The following TM9SF3 variants were observed in gnomAD, a reference collection of about 807,000 sequenced individuals.
TM9SF3 encodes transmembrane 9 superfamily member 3, also known as SM-11044-binding protein.
TM9SF3 carries 14 observed loss-of-function variants against 78.6 expected under a neutral mutation model. The observed-to-expected ratio is 0.18, with a 90% CI of 0.12 to 0.28. The LOEUF (loss-of-function observed/expected upper bound fraction) is 0.28, where lower values mean the gene tolerates loss of function less well. Ranked by LOEUF, TM9SF3 falls within the 10% of genes least tolerant of loss-of-function variation. The probability of loss-of-function intolerance (pLI) is 1.00; values close to 1 mark genes in which losing one functional copy is unlikely to be tolerated. For missense variants in TM9SF3, 496 were observed against 721.9 expected, an observed-to-expected ratio of 0.69 and a Z score of 3.59; for synonymous variants, 231 against 241.7, an observed-to-expected ratio of 0.96 and a Z score of 0.41.
Position 96,576,665 on chromosome 10 carries a change from C to G in TM9SF3, c.267G>C (p.Leu89Phe). ...ATTTAATATCCAGACCACTAAATTC[C>G]AATTCAACCCCTTGAAGTGCTTCTC... ...TLGEALQGVE[L>F]EFSGLDIKFK... The change falls in exon 2 of 15, where the codon TTG becomes TTC. Residue 89 changes from leucine to phenylalanine, a missense_variant. By Grantham distance (22) the Leu-to-Phe change is conservative. Around this residue, in one of 4 missense-constraint regions of TM9SF3, gnomAD observed 155 missense variants for 241.6 expected, o/e 0.64. Transcript: ENST00000371142. The G allele has an allele frequency of 6.2e-7, 1 of 1,600,288 alleles. No homozygotes were observed. The highest frequency in any genetic ancestry group is 8.5e-7 in the Non-Finnish European group (1 of 1,175,700).
intron 14 of TM9SF3, among the ~76,000 whole-genome samples, chr10:96,522,773 A>T (rs1359720093): frequency 6.6e-6 from 1 of 151,922 alleles, no homozygotes; most frequent in East Asian, 1.9e-4. Flanking sequence ...TTAAGGAAGG[A>T]CAGGGAACCA....
At chr10:96,586,430 T>C (rs1848630397) in intron 1 of TM9SF3, among the ~76,000 whole-genome samples, 1 of 151,992 alleles carries the variant, frequency 6.6e-6, no homozygotes, top group Non-Finnish European at 1.5e-5. Context: ...ACCTCAACCC[T>C]TCCCAGGCTC....
chr10:96,568,083 A>G (rs1245379822), intron 2 of TM9SF3, among the ~76,000 whole-genome samples: 5 of 152,234 alleles, frequency 3.3e-5, no homozygotes, highest in African/African-American at 1.2e-4. Context: ...CAGGCTATAT[A>G]AAAAGGGTGT....
At chr10:96,570,943 T>A (rs1359117646) in intron 2 of TM9SF3, among the ~76,000 whole-genome samples, 2 of 152,094 alleles carry the variant, frequency 1.3e-5, no homozygotes, top group Non-Finnish European at 1.5e-5. Flanking sequence ...TTCACCATGT[T>A]GGCCAAGCTG....
chr10:96,559,618 G>A, intron 5 of TM9SF3, 41 bp downstream of exon 5: 1 of 1,384,366 alleles, frequency 7.2e-7, no homozygotes, highest in African/African-American at 1.4e-5. Context: ...TGAACGAATT[G>A]GTGCACATAA....
In TM9SF3 at chr10:96,586,728, C is replaced by T; in HGVS notation, c.102+6G>A. ...CGGGGCGGCCGCGCCGGCCGGGGCG[C>T]CTCACCGTGTGTTCGTGCTCGTCCG... On this transcript the variant is annotated splice_donor_region_variant and intron_variant, in intron 1 of 14. Transcript: ENST00000371142. The T allele has an allele frequency of 4.9e-6, 6 of 1,231,842 alleles. No individual in the cohort carries two copies. The highest frequency in any genetic ancestry group is 6.1e-6 in the Non-Finnish European group (6 of 988,200). The allele number at this position is 1,231,842 out of a possible 1,614,324, so 76.3% of individuals were successfully genotyped here. A position where few individuals can be genotyped will look rare whatever the true frequency, so the allele number is the denominator to read the frequency against.
intron 4 of TM9SF3, among the ~76,000 whole-genome samples, chr10:96,561,261 A>T (rs1848305232): frequency 6.6e-6 from 1 of 152,244 alleles, no homozygotes; most frequent in Admixed American, 6.5e-5. Context: ...AATAAAAAAA[A>T]ATCTGTAAAT....
intron 4 of TM9SF3, 101 bp from the exon 5 acceptor site, chr10:96,559,837 T>A: frequency 1.6e-6 from 1 of 618,604 alleles, no homozygotes; most frequent in Non-Finnish European, 2.7e-6. Context: ...CACTTAGAAT[T>A]AAAATTCACT....
intron 6 of TM9SF3, among the ~76,000 whole-genome samples, chr10:96,552,212 G>A (rs753769543): frequency 3.9e-5 from 6 of 152,126 alleles, no homozygotes; most frequent in Non-Finnish European, 7.3e-5. Context: ...AGCACTTTGG[G>A]AGGCCAAGGC....
chr10:96,552,834 A>C lies in TM9SF3; in HGVS notation c.792+94T>G, dbSNP rs1333519601. The C allele has an allele frequency of 5.7e-6, 7 of 1,228,858 alleles. No individual in the cohort carries two copies. The East Asian group carries it at 1.5e-4, about 26-fold the overall frequency. The allele number at this position is 1,228,858 out of a possible 1,614,324, so 76.1% of individuals were successfully genotyped here. ...AATCCTGAATTGTGGAAACTCAAAG[A>C]CTTCCGGTAAGAAATTATGACCTAC... On this transcript the variant is annotated intron_variant, in intron 6 of 14. Coordinates refer to ENST00000371142, the MANE Select transcript of TM9SF3 (RefSeq NM_020123.4).
chr10:96,555,702 T>C (rs1330695867), intron 5 of TM9SF3, among the ~76,000 whole-genome samples: 1 of 152,172 alleles, frequency 6.6e-6, no homozygotes, highest in African/African-American at 2.4e-5. Context: ...CCAGTAAAAT[T>C]ATAAAGGAAC....
At chr10:96,569,762 A>C (rs1420698700) in intron 2 of TM9SF3, among the ~76,000 whole-genome samples, 1 of 152,174 alleles carries the variant, frequency 6.6e-6, no homozygotes, top group Non-Finnish European at 1.5e-5. Context: ...GGCCGGGCGC[A>C]ATGGCTCACA....
chr10:96,584,487 C>G (rs1009001842), intron 1 of TM9SF3, among the ~76,000 whole-genome samples: 1 of 152,158 alleles, frequency 6.6e-6, no homozygotes, highest in African/African-American at 2.4e-5. Context: ...CTTCCCATAA[C>G]TGTTTTTGTT....
chr10:96,574,308 C>T (rs184048784), intron 2 of TM9SF3, among the ~76,000 whole-genome samples: 1 of 152,030 alleles, frequency 6.6e-6, no homozygotes, highest in African/African-American at 2.4e-5. Context: ...ATGCAGCCAA[C>T]GAACATACAA....
chr10:96,544,134 AAGAAGGC>A lies in TM9SF3; in HGVS notation c.1120_1126del (p.Ala374SerfsTer5). On this transcript the variant is annotated frameshift_variant, in exon 9 of 15. Transcript: ENST00000371142. LOFTEE classifies it high-confidence loss of function. ...GTAATAAATGGCTATGAAATTGATG[AAGAAGGC>A]AGTGCCACACACCATAGCTGGGATA... 1 of 1,613,578 alleles carries A rather than the reference AAGAAGGC, an allele frequency of 6.2e-7. No homozygotes were observed. The highest frequency in any genetic ancestry group is 8.5e-7 in the Non-Finnish European group (1 of 1,179,690).
intron 1 of TM9SF3, among the ~76,000 whole-genome samples, chr10:96,582,016 T>G (rs1848575190): frequency 1.3e-5 from 2 of 152,138 alleles, no homozygotes; most frequent in Admixed American, 1.3e-4. Flanking sequence ...CATATCCTTG[T>G]CACTAGTAGC....
At chr10:96,577,107 AAG>A (rs933040679) in intron 1 of TM9SF3, among the ~76,000 whole-genome samples, 6 of 152,168 alleles carry the variant, frequency 3.9e-5, no homozygotes, top group African/African-American at 1.4e-4. Flanking sequence ...AATAGCTCAT[AAG>A]AGTGTGTCTA....
chr10:96,524,945 T>G (rs1458245652), intron 14 of TM9SF3, among the ~76,000 whole-genome samples: 1 of 151,908 alleles, frequency 6.6e-6, no homozygotes, highest in Non-Finnish European at 1.5e-5. Flanking sequence ...AGCAGGGAAC[T>G]GTAAATGTGC....
rs575094888 is a variant in TM9SF3, at chr10:96,525,109, T to C, written c.1702+2104A>G. Among the ~76,000 whole-genome samples the C allele has an allele frequency of 8.9e-4, 135 of 152,160 alleles. 1 individual carries two copies. In the South Asian group the frequency reaches 0.027, roughly 30 times the overall value. On this transcript the variant is annotated intron_variant, in intron 14 of 14. Transcript: ENST00000371142. Reference sequence around the variant, plus strand: ...AAAAAGTCAAGTCAAGAAAAATTTTTTTAACTCTCTGCATAATCGATTCTA... The same window carrying C: ...AAAAAGTCAAGTCAAGAAAAATTTTCTTAACTCTCTGCATAATCGATTCTA...
Sources: gnomAD v4.1 joint callset for allele counts (sites outside exome capture counted in the v4.1 genomes callset) on GRCh38, gnomAD v4.1.1 for gene constraint, gnomAD v4.1.1 regional missense constraint, MANE v1.5 for transcripts, NCBI Gene and HGNC (gene_info 2026-07-23, HGNC 2026-07-21) for gene names.